Variants in SLC12A1 observed in about 807,000 individuals in gnomAD.
The protein encoded by SLC12A1 is solute carrier family 12 member 1.
In SLC12A1, 89 loss-of-function variants were observed where a neutral mutation model predicts 130.4. The ratio of observed to expected loss-of-function variants is 0.68; its 90% CI spans 0.58 to 0.81. The LOEUF is 0.81. Ranked by LOEUF, SLC12A1 falls within the 40% of genes least tolerant of loss-of-function variation. The pLI is 0.00. For missense variants in SLC12A1, 1,310 were observed against 1,336.4 expected, an observed-to-expected ratio of 0.98 and a Z score of 0.31; for synonymous variants, 499 against 460.0, an observed-to-expected ratio of 1.08 and a Z score of -1.09.
intron 20 of SLC12A1, among the ~76,000 whole-genome samples, chr15:48,276,259 T>C (rs149681640): frequency 7.9e-5 from 12 of 152,276 alleles, no homozygotes; most frequent in East Asian, 5.8e-4. Context: ...AAATGTCTAA[T>C]AGGCAGTTAG....
chr15:48,291,992 G>A (rs113304907), intron 24 of SLC12A1, 128 bp downstream of exon 24: 29 of 633,742 alleles, frequency 4.6e-5, no homozygotes, highest in African/African-American at 4.1e-4. Context: ...CTAATAAGAA[G>A]AGCCTTCAAA....
chr15:48,267,057 G>GA, intron 17 of SLC12A1, among the ~76,000 whole-genome samples: 1 of 152,230 alleles, frequency 6.6e-6, no homozygotes, highest in African/African-American at 2.4e-5. Flanking sequence ...TTTGCCACAC[G>GA]AAAAAGCAAC....
At chr15:48,282,034 C>G (rs548157521) in intron 20 of SLC12A1, among the ~76,000 whole-genome samples, 1 of 152,018 alleles carries the variant, frequency 6.6e-6, no homozygotes, top group Non-Finnish European at 1.5e-5. Context: ...TGTTGAAATG[C>G]GAAAAGGAAG....
chr15:48,243,658 AC>A (rs1375928356), intron 10 of SLC12A1, among the ~76,000 whole-genome samples: 2 of 152,210 alleles, frequency 1.3e-5, no homozygotes, highest in Non-Finnish European at 2.9e-5. Context: ...TGTCTCAAAA[AC>A]AAAAACAAAC....
Position 48,259,208 on chromosome 15 carries a change from G to T in SLC12A1, c.2051G>T (p.Cys684Phe), listed in dbSNP as rs749515215. The T allele has an allele frequency of 1.2e-6, 2 of 1,607,938 alleles. No individual in the cohort carries two copies. Among genetic ancestry groups the T allele is most frequent in the Admixed American group, 1.7e-5 (1 of 59,998 alleles). ...CTTTTTTTTACTTCCAGGCCCCAGT[G>T]CATTGTCTTAACAGGGGGACCCATG... ...EDHVKNFRPQ[C>F]IVLTGGPMTR... The change falls in exon 17 of 27, where the codon TGC becomes TTC. Residue 684 changes from cysteine to phenylalanine, a missense_variant. Physicochemically the swap from Cys to Phe is radical, Grantham distance 205. Transcript: ENST00000380993.
chr15:48,283,600 G>A (rs1287361805), intron 20 of SLC12A1, among the ~76,000 whole-genome samples: 1 of 152,242 alleles, frequency 6.6e-6, no homozygotes, highest in African/African-American at 2.4e-5. Flanking sequence ...CTGTGTAGCT[G>A]AATAGCAGCA....
intron 9 of SLC12A1, among the ~76,000 whole-genome samples, chr15:48,239,515 A>AAATAAATAAAT (rs2041477134): frequency 2.0e-4 from 29 of 143,636 alleles, no homozygotes; most frequent in African/African-American, 7.6e-4. Context: ...AACCCATCTC[A>AAATAAATAAAT]AAATAAATAA....
intron 19 of SLC12A1, among the ~76,000 whole-genome samples, chr15:48,270,497 C>T (rs2041881307): frequency 1.3e-5 from 2 of 150,992 alleles, no homozygotes; most frequent in African/African-American, 2.4e-5. Context: ...CATTTAGTGA[C>T]AGAGCTGGAA....
chr15:48,268,410 A>T (rs1216567933), intron 18 of SLC12A1, among the ~76,000 whole-genome samples: 1 of 152,148 alleles, frequency 6.6e-6, no homozygotes, highest in African/African-American at 2.4e-5. Flanking sequence ...TTTGGGTTTA[A>T]TATGGTTGAA....
chr15:48,247,196 A>C, intron 12 of SLC12A1, 141 bp from the exon 13 acceptor site: 1 of 942,576 alleles, frequency 1.1e-6, no homozygotes, highest in Non-Finnish European at 1.6e-6. Context: ...AATAATATAA[A>C]GAATGATAAA....
chr15:48,243,379 C>T (rs1241711468), intron 10 of SLC12A1, among the ~76,000 whole-genome samples: 1 of 152,036 alleles, frequency 6.6e-6, no homozygotes, highest in African/African-American at 2.4e-5. Context: ...TATAATTGGC[C>T]AGGTGCAGTG....
intron 21 of SLC12A1, among the ~76,000 whole-genome samples, chr15:48,286,503 T>C (rs2042061884): frequency 6.6e-6 from 1 of 152,194 alleles, no homozygotes; most frequent in Non-Finnish European, 1.5e-5. Flanking sequence ...TTAAATCTGC[T>C]CTATTAAGTG....
rs1566863409 is a variant in SLC12A1, at chr15:48,302,888, C to CA, written c.*4dup. ...ATGTCTTGACATTTTACTCTTAAAA[C>CA]ATGAAAGATTGGAATACATTTTAAC... On this transcript the variant is annotated 3_prime_UTR_variant, in exon 27 of 27. Coordinates refer to ENST00000380993, the MANE Select transcript of SLC12A1 (RefSeq NM_000338.3). The CA allele has an allele frequency of 3.8e-6, 6 of 1,598,442 alleles. No individual in the cohort carries two copies. The African/African-American group carries it at 8.0e-5, about 21-fold the overall frequency.
At chr15:48,296,196 A>G (rs1347399182) in intron 24 of SLC12A1, among the ~76,000 whole-genome samples, 3 of 152,220 alleles carry the variant, frequency 2.0e-5, no homozygotes, top group African/African-American at 7.2e-5. Flanking sequence ...CACAATGTCA[A>G]AAATAGTTTG....
chr15:48,289,879 C>T (rs2042101783), intron 23 of SLC12A1, among the ~76,000 whole-genome samples: 1 of 152,136 alleles, frequency 6.6e-6, no homozygotes, highest in South Asian at 2.1e-4. Context: ...TAGATTTTAT[C>T]AACACTGTAT....
rs370756380 is a variant in SLC12A1 at position 48,301,502 on chromosome 15, T to TTGGG, written c.3164+120_3164+121insTGGG. ...TTTTGTTTTGTTTTTGTGTTTTTTT[T>TTGGG]GGGGGGGGGAACACGTGGGATTCTT... On this transcript the variant is annotated intron_variant, in intron 26 of 26. Transcript: ENST00000380993. 6 of 439,806 alleles carry TTGGG rather than the reference T, an allele frequency of 1.4e-5. No individual in the cohort carries two copies. In the African/African-American group the frequency reaches 1.4e-4, roughly 10 times the overall value. 27.2% of individuals were successfully genotyped at this position (439,806 alleles called of 1,614,324 possible). A position where few individuals can be genotyped will look rare whatever the true frequency, so the allele number is the denominator to read the frequency against.
intron 10 of SLC12A1, among the ~76,000 whole-genome samples, chr15:48,243,641 G>A (rs768132002): frequency 3.3e-5 from 5 of 152,194 alleles, no homozygotes; most frequent in Admixed American, 6.5e-5. Context: ...GTGACAGAGC[G>A]AGACTCTGTC....
At chr15:48,273,427 C>A (rs916410194) in intron 19 of SLC12A1, among the ~76,000 whole-genome samples, 1 of 152,208 alleles carries the variant, frequency 6.6e-6, no homozygotes, top group East Asian at 1.9e-4. Flanking sequence ...TCTCAAAGTC[C>A]TTAACCTAAT....
chr15:48,274,657 T>A lies in SLC12A1; in HGVS notation c.2485+4T>A. The A allele has an allele frequency of 6.2e-7, 1 of 1,601,422 alleles. No homozygotes were observed. The highest frequency in any genetic ancestry group is 8.6e-7 in the Non-Finnish European group (1 of 1,169,302). ...TCTCAGGTTCTTCAGGTGCAAGGTA[T>A]GTACTTTCTTTATTCAACCAACAAG... On this transcript the variant is annotated splice_donor_region_variant and intron_variant, in intron 20 of 26. Transcript: ENST00000380993.
Sources: gnomAD v4.1 joint callset for allele counts (sites outside exome capture counted in the v4.1 genomes callset) on GRCh38, gnomAD v4.1.1 for gene constraint, MANE v1.5 for transcripts, NCBI Gene and HGNC (gene_info 2026-07-23, HGNC 2026-07-21) for gene names.